The following USP15 variants were observed in gnomAD, a reference collection of about 807,000 sequenced individuals.
USP15 encodes the protein ubiquitin specific peptidase 15.
A neutral mutation model predicts 127.1 loss-of-function variants in USP15; 18 were observed. The observed-to-expected ratio is 0.14, with a 90% CI of 0.10 to 0.21. The LOEUF (loss-of-function observed/expected upper bound fraction) is 0.21, where lower values mean the gene tolerates loss of function less well. Among genes scored for constraint, USP15 ranks in the 10% least tolerant of loss-of-function variants. The pLI, the probability that USP15 is intolerant of heterozygous loss-of-function variation, is 1.00. For missense variants in USP15, 805 were observed against 1,159.9 expected, an observed-to-expected ratio of 0.69 and a Z score of 4.44; for synonymous variants, 364 against 393.7, an observed-to-expected ratio of 0.92 and a Z score of 0.89.
intron 6 of USP15, among the ~76,000 whole-genome samples, chr12:62,327,001 A>G (rs1171780493): frequency 2.6e-5 from 4 of 152,036 alleles, no homozygotes; most frequent in Non-Finnish European, 5.9e-5. Flanking sequence ...GTGATGATGC[A>G]TCCCTGTAAT....
At chr12:62,347,351 CAA>C (rs1446382881) in intron 6 of USP15, among the ~76,000 whole-genome samples, 1 of 144,718 alleles carries the variant, frequency 6.9e-6, no homozygotes, top group African/African-American at 2.7e-5. Flanking sequence ...TGTATATACA[CAA>C]AGTGTATACA....
At chr12:62,265,459 T>C (rs1304103416) in intron 1 of USP15, among the ~76,000 whole-genome samples, 1 of 152,220 alleles carries the variant, frequency 6.6e-6, no homozygotes, top group African/African-American at 2.4e-5. Context: ...GGTTTTCACA[T>C]AGTGGTATAG....
intron 1 of USP15, among the ~76,000 whole-genome samples, chr12:62,269,858 A>G (rs1049527307): frequency 1.2e-4 from 18 of 152,146 alleles, no homozygotes; most frequent in Admixed American, 1.3e-4. Flanking sequence ...CCTATTTTGA[A>G]TAATCCTGCT....
chr12:62,314,712 G>A, intron 3 of USP15, 78 bp from the exon 4 acceptor site: 8 of 1,294,892 alleles, frequency 6.2e-6, no homozygotes, highest in Non-Finnish European at 8.0e-6. Context: ...GTTTTCTAAA[G>A]TCTCTTTAAA....
chr12:62,288,336 G>T (rs2063843002), intron 1 of USP15, among the ~76,000 whole-genome samples: 1 of 127,894 alleles, frequency 7.8e-6, no homozygotes, highest in African/African-American at 3.0e-5. Flanking sequence ...GTGTTCCCTG[G>T]CATTTTACTT....
intron 6 of USP15, among the ~76,000 whole-genome samples, chr12:62,333,302 C>T (rs2065358902): frequency 6.6e-6 from 1 of 152,100 alleles, no homozygotes. Flanking sequence ...ACCTCACTCT[C>T]ATTACCCAGG....
chr12:62,368,050 C>G (rs1022203227), intron 8 of USP15, among the ~76,000 whole-genome samples: 1 of 152,062 alleles, frequency 6.6e-6, no homozygotes, highest in East Asian at 1.9e-4. Flanking sequence ...TTATTTCTGC[C>G]TTCATTTCAT....
At chr12:62,324,137 A>C (rs2137292738) in intron 5 of USP15, among the ~76,000 whole-genome samples, 1 of 152,118 alleles carries the variant, frequency 6.6e-6, no homozygotes, top group East Asian at 1.9e-4. Flanking sequence ...TTAATTTTGA[A>C]ATCTTTTCAA....
At chr12:62,289,371 A>C (rs948171160) in intron 1 of USP15, among the ~76,000 whole-genome samples, 2 of 151,952 alleles carry the variant, frequency 1.3e-5, no homozygotes, top group Non-Finnish European at 2.9e-5. Context: ...CACTTCCTCT[A>C]GGTTTTCTAG....
chr12:62,398,262 G>A (rs1388900174), intron 20 of USP15, among the ~76,000 whole-genome samples: 5 of 152,050 alleles, frequency 3.3e-5, no homozygotes, highest in African/African-American at 1.2e-4. Context: ...TGAGTATCAG[G>A]GACTACAGGT....
chr12:62,365,527 C>A (rs981127583), intron 8 of USP15, among the ~76,000 whole-genome samples: 2 of 152,104 alleles, frequency 1.3e-5, no homozygotes, highest in Non-Finnish European at 2.9e-5. Context: ...ATGGTAGTTT[C>A]TTTTCCTGTG....
chr12:62,356,561 AT>A (rs1212561549), intron 8 of USP15, among the ~76,000 whole-genome samples: 1 of 151,896 alleles, frequency 6.6e-6, no homozygotes, highest in African/African-American at 2.4e-5. Context: ...GGCATAATCG[AT>A]TTCTGGTATT....
At chr12:62,302,179 A>G (rs1218565749) in intron 2 of USP15, among the ~76,000 whole-genome samples, 1 of 152,154 alleles carries the variant, frequency 6.6e-6, no homozygotes, top group Non-Finnish European at 1.5e-5. Context: ...GATTTCTGTC[A>G]TGGTTCCTAG....
intron 1 of USP15, among the ~76,000 whole-genome samples, chr12:62,261,263 T>C (rs1228177944): frequency 6.6e-6 from 1 of 152,196 alleles, no homozygotes. Flanking sequence ...ATATTCAAAC[T>C]TGTAAAATAC....
intron 8 of USP15, among the ~76,000 whole-genome samples, chr12:62,375,592 G>A (rs185873504): frequency 1.3e-5 from 2 of 152,244 alleles, no homozygotes; most frequent in African/African-American, 4.8e-5. Flanking sequence ...GTTCTTCCTT[G>A]ATACACAGAG....
intron 8 of USP15, among the ~76,000 whole-genome samples, chr12:62,361,025 A>G (rs546186084): frequency 1.1e-4 from 16 of 152,204 alleles, no homozygotes; most frequent in Admixed American, 9.8e-4. Context: ...CAACATGAAT[A>G]CCAATGTTTT....
chr12:62,289,626 C>G (rs992113237), intron 1 of USP15, among the ~76,000 whole-genome samples: 3 of 148,538 alleles, frequency 2.0e-5, no homozygotes, highest in Admixed American at 6.7e-5. Flanking sequence ...ATCTTTATGT[C>G]TTTTCTTCTG....
intron 4 of USP15, among the ~76,000 whole-genome samples, chr12:62,319,133 T>C (rs2064914476): frequency 6.6e-6 from 1 of 152,150 alleles, no homozygotes; most frequent in Non-Finnish European, 1.5e-5. Context: ...TTAACAGTCA[T>C]GGTGGAAGGC....
Position 62,413,073 on chromosome 12 carries a change from A to C in USP15, c.*8698A>C, listed in dbSNP as rs1351558028. On this transcript the variant is annotated 3_prime_UTR_variant, in exon 22 of 22. Coordinates refer to ENST00000280377, the MANE Select transcript of USP15 (RefSeq NM_001252078.2). ...GGATGTTGTGTTAGCAGGCAGAAAA[A>C]CACTAATCTCATACATCTCCATAGA... The C allele has an allele frequency of 2.0e-5, 3 of 152,180 alleles. No individual in the cohort carries two copies. Among genetic ancestry groups the C allele is most frequent in the Non-Finnish European group, 4.4e-5 (3 of 68,028 alleles). 9.4% of individuals were successfully genotyped at this position (152,180 alleles called of 1,614,324 possible). A position where few individuals can be genotyped will look rare whatever the true frequency, so the allele number is the denominator to read the frequency against.
Sources: allele counts gnomAD v4.1 joint callset (sites outside exome capture counted in the v4.1 genomes callset), GRCh38; gene constraint gnomAD v4.1.1; transcripts MANE v1.5; gene names NCBI Gene and HGNC (gene_info 2026-07-23, HGNC 2026-07-21).